The following FGF20 variants were observed in gnomAD, a reference collection of about 807,000 sequenced individuals.
FGF20 encodes fibroblast growth factor 20.
FGF20 carries 8 observed loss-of-function variants against 16.7 expected under a neutral mutation model. The observed-to-expected ratio is 0.48, with a 90% CI of 0.28 to 0.87. The LOEUF (loss-of-function observed/expected upper bound fraction) is 0.87, where lower values mean the gene tolerates loss of function less well. FGF20 is among the 40% of genes least tolerant of loss of function. The probability of loss-of-function intolerance (pLI) is 0.10; values close to 1 mark genes in which losing one functional copy is unlikely to be tolerated. For synonymous variants in FGF20, 161 were observed against 118.6 expected, an observed-to-expected ratio of 1.36 and a Z score of -2.32; for missense variants, 397 against 281.4, an observed-to-expected ratio of 1.41 and a Z score of -2.94.
intron 2 of FGF20, among the ~76,000 whole-genome samples, chr8:16,994,695 G>GA (rs940664310): frequency 1.1e-4 from 17 of 151,642 alleles, no homozygotes; most frequent in Non-Finnish European, 1.8e-4. Flanking sequence ...GAGAGTTTAA[G>GA]AAAAAAAAGT....
intron 1 of FGF20, among the ~76,000 whole-genome samples, chr8:16,996,113 G>A (rs10101473): frequency 0.042 from 6,409 of 152,134 alleles, 444 homozygotes; most frequent in African/African-American, 0.15. Flanking sequence ...GGTAGCCTGG[G>A]ATTCAATCTG....
rs113126203 is a variant in FGF20, at chr8:16,993,038, T to C, written c.*34A>G. 2.0e-5 allele frequency: 32 copies of C among 1,598,472 alleles called. 1 individual carries two copies. In the African/African-American group the frequency reaches 2.6e-4, roughly 13 times the overall value. On this transcript the variant is annotated 3_prime_UTR_variant, in exon 3 of 3. Coordinates refer to ENST00000180166, the MANE Select transcript of FGF20 (RefSeq NM_019851.3). ...GAACTATGACAAGAAAGAATGGTTG[T>C]GGTTTGACTCTTCCATAATGTCACT...
Position 17,002,062 on chromosome 8 carries a change from C to G in FGF20, c.-30G>C. The stretch of plus-strand genomic sequence containing the variant: ...GGGGAGATCCGGAACACAAAAGACC[C>G]CCCCAGTAAAGAGTGTTGTGGGGGT... On this transcript the variant is annotated 5_prime_UTR_variant, in exon 1 of 3. Transcript: ENST00000180166. The G allele has an allele frequency of 8.0e-6, 12 of 1,508,706 alleles. No individual in the cohort carries two copies. Among genetic ancestry groups the G allele is most frequent in the Non-Finnish European group, 1.1e-5 (12 of 1,131,728 alleles). The allele number at this position is 1,508,706 out of a possible 1,614,324, so 93.5% of individuals were successfully genotyped here.
intron 2 of FGF20, among the ~76,000 whole-genome samples, chr8:16,994,336 A>T (rs915026750): frequency 5.3e-5 from 8 of 152,190 alleles, no homozygotes; most frequent in Non-Finnish European, 1.0e-4. Context: ...CTGTTTGATG[A>T]TACATTCTCC....
In FGF20 at chr8:16,995,648, T is replaced by C; in HGVS notation, c.390+7A>G. 7.8e-7 allele frequency: 1 copy of C among 1,280,760 alleles called. No homozygotes were observed. Among genetic ancestry groups the C allele is most frequent in the Non-Finnish European group, 1.1e-6 (1 of 917,852 alleles). The allele number at this position is 1,280,760 out of a possible 1,614,324, so 79.3% of individuals were successfully genotyped here. On this transcript the variant is annotated splice_region_variant and intron_variant, in intron 2 of 2. Transcript: ENST00000180166. ...CAATAATAATAAAAAATAAAAATAATACGTACTGATCCATAGAGTTCTCCT... is the reference window on the plus strand; with the variant it reads ...CAATAATAATAAAAAATAAAAATAACACGTACTGATCCATAGAGTTCTCCT...
intron 2 of FGF20, among the ~76,000 whole-genome samples, chr8:16,993,622 A>G (rs957311114): frequency 2.6e-5 from 4 of 152,142 alleles, no homozygotes; most frequent in Non-Finnish European, 4.4e-5. Flanking sequence ...ATCCAAGTGC[A>G]TTACATTTAT....
chr8:16,997,504 A>G (rs973351919), intron 1 of FGF20, among the ~76,000 whole-genome samples: 6 of 152,238 alleles, frequency 3.9e-5, no homozygotes, highest in Admixed American at 2.6e-4. Context: ...TATTCTATCC[A>G]AAGCCTAATT....
Position 17,002,141 on chromosome 8 carries a change from G to T in FGF20, c.-109C>A. ...AGCAAAACGAGCGCAAAAAGTTAAG[G>T]CCCGGTTACTCCTCTGAGGTCGCTC... On this transcript the variant is annotated 5_prime_UTR_variant, in exon 1 of 3. Coordinates refer to ENST00000180166, the MANE Select transcript of FGF20 (RefSeq NM_019851.3). The T allele has an allele frequency of 8.5e-7, 1 of 1,182,312 alleles. No homozygotes were observed. Among genetic ancestry groups the T allele is most frequent in the Non-Finnish European group, 1.1e-6 (1 of 895,634 alleles). 73.2% of individuals were successfully genotyped at this position (1,182,312 alleles called of 1,614,324 possible). A position where few individuals can be genotyped will look rare whatever the true frequency, so the allele number is the denominator to read the frequency against.
Position 16,995,680 on chromosome 8 carries a change from T to C in FGF20, c.365A>G (p.Asn122Ser), listed in dbSNP as rs1283655289. ...TGATCCATAGAGTTCTCCTTTGTCA[T>C]TCATTCCAAGATAGAGACCACTGTC... ...GVDSGLYLGM[N>S]DKGELYGSEK... Residue 122 changes from asparagine (N) to serine (S), a missense_variant, in exon 2 of 3, where the codon AAT (asparagine) becomes AGT (serine). Physicochemically the swap from Asn to Ser is conservative, Grantham distance 46 (BLOSUM62 1). Coordinates refer to ENST00000180166, the MANE Select transcript of FGF20 (RefSeq NM_019851.3). 2 of 1,592,312 alleles carry C rather than the reference T, an allele frequency of 1.3e-6. No homozygotes were observed. The highest frequency in any genetic ancestry group is 1.7e-6 in the Non-Finnish European group (2 of 1,163,254).
rs1194188485 is a variant in FGF20 at position 16,992,520 on chromosome 8, T to G, written c.*552A>C. The G allele has an allele frequency of 6.6e-6, 1 of 151,498 alleles. No homozygotes were observed. Among genetic ancestry groups the G allele is most frequent in the Non-Finnish European group, 1.5e-5 (1 of 67,892 alleles). The allele number at this position is 151,498 out of a possible 1,614,324, so 9.4% of individuals were successfully genotyped here. A position where few individuals can be genotyped will look rare whatever the true frequency, so the allele number is the denominator to read the frequency against. ...AATAAATATTTTCAAATTGAAAGTGTATAAATAGGTCCATTCTTTTAAAAA... is the reference window on the plus strand; with the variant it reads ...AATAAATATTTTCAAATTGAAAGTGGATAAATAGGTCCATTCTTTTAAAAA... On this transcript the variant is annotated 3_prime_UTR_variant, in exon 3 of 3. Transcript: ENST00000180166.
Position 16,995,721 on chromosome 8 carries a change from G to C in FGF20, c.324C>G (p.Val108=). ...LEFISVAVGL[V]SIRGVDSGLY... ...GACCACTGTCCACACCTCTAATACT[G>C]ACCAGTCCCACTGCCACACTGATGA... is the stretch of plus-strand genomic sequence containing the variant. Residue 108 remains valine (V), a synonymous_variant, in exon 2 of 3, where the codon GTC becomes GTG. Transcript: ENST00000180166. The C allele has an allele frequency of 6.2e-7, 1 of 1,608,108 alleles. No individual in the cohort carries two copies. The highest frequency in any genetic ancestry group is 1.1e-5 in the South Asian group (1 of 90,522).
intron 1 of FGF20, among the ~76,000 whole-genome samples, chr8:16,999,890 G>A (rs1453235458): frequency 1.3e-5 from 2 of 151,988 alleles, no homozygotes; most frequent in Non-Finnish European, 2.9e-5. Context: ...ATGGCAGGGT[G>A]AAATTCTGAC....
At chr8:16,995,167 C>G (rs1046262405) in intron 2 of FGF20, among the ~76,000 whole-genome samples, 19 of 152,188 alleles carry the variant, frequency 1.2e-4, no homozygotes, top group Non-Finnish European at 2.8e-4. Flanking sequence ...CATAGAAGAA[C>G]AGTGTGTTTG....
In FGF20 at chr8:16,992,882, G is replaced by A. The variant is rs975825506; in HGVS notation, c.*190C>T. 6 of 643,340 alleles carry A rather than the reference G, an allele frequency of 9.3e-6. No homozygotes were observed. Among genetic ancestry groups the A allele is most frequent in the Non-Finnish European group, 1.6e-5 (6 of 386,078 alleles). The allele number at this position is 643,340 out of a possible 1,614,324, so 39.9% of individuals were successfully genotyped here. ...AGGGAACTTAATCCACATATAAAGAGTGATCATGATCTATTTCTAGTCAAA... is the reference window on the plus strand; with the variant it reads ...AGGGAACTTAATCCACATATAAAGAATGATCATGATCTATTTCTAGTCAAA... On this transcript the variant is annotated 3_prime_UTR_variant, in exon 3 of 3. Coordinates refer to ENST00000180166, the MANE Select transcript of FGF20 (RefSeq NM_019851.3).
intron 1 of FGF20, among the ~76,000 whole-genome samples, chr8:16,999,739 C>G (rs569868423): frequency 6.8e-6 from 1 of 147,480 alleles, no homozygotes; most frequent in Non-Finnish European, 1.5e-5. Context: ...AGGGGTTTCA[C>G]TATCTTGGCC....
At position 17,001,567 on chromosome 8, in the gene FGF20, G is replaced by A. The variant is rs777449067; in HGVS notation, c.286+180C>T. 3.5e-4 allele frequency among the ~76,000 whole-genome samples: 54 copies of A among 152,186 alleles called. 2 individuals carry two copies. Among genetic ancestry groups the A allele is most frequent in the Non-Finnish European group, 6.5e-4 (44 of 68,036 alleles). Reference sequence around the variant, plus strand: ...CAAACCAGCAGGAAAATTTCTCCCCGCGGCTGCTCTGGCCAGCCCTTCAGC... The same window carrying A: ...CAAACCAGCAGGAAAATTTCTCCCCACGGCTGCTCTGGCCAGCCCTTCAGC... On this transcript the variant is annotated intron_variant, in intron 1 of 2. Transcript: ENST00000180166.
intron 1 of FGF20, among the ~76,000 whole-genome samples, chr8:16,998,951 C>T (rs995899873): frequency 2.0e-4 from 31 of 151,870 alleles, no homozygotes; most frequent in Admixed American, 1.3e-3. Context: ...AAAACTGTCA[C>T]TCTGATAGCA....
intron 1 of FGF20, 66 bp downstream of exon 1, chr8:17,001,680 CA>C: frequency 6.8e-7 from 1 of 1,464,320 alleles, no homozygotes. Flanking sequence ...GAGGGAGGTG[CA>C]AGGGGAGGGA....
chr8:16,995,582 C>T (rs1474736557), intron 2 of FGF20, 73 bp downstream of exon 2: 1 of 603,222 alleles, frequency 1.7e-6, no homozygotes, highest in Non-Finnish European at 2.7e-6. Context: ...TCTTGGTAGA[C>T]ATTTTAATTA....
Sources: allele counts gnomAD v4.1 joint callset (sites outside exome capture counted in the v4.1 genomes callset), GRCh38; gene constraint gnomAD v4.1.1; transcripts MANE v1.5; gene names NCBI Gene and HGNC (gene_info 2026-07-23, HGNC 2026-07-21).